The following CDKAL1 variants were observed in gnomAD, a reference collection of about 807,000 sequenced individuals.
CDKAL1 encodes CDKAL1 threonylcarbamoyladenosine tRNA methylthiotransferase, also known as threonylcarbamoyladenosine tRNA methylthiotransferase.
CDKAL1 carries 32 observed loss-of-function variants against 68.2 expected under a neutral mutation model. The ratio of observed to expected loss-of-function variants is 0.47; its 90% CI spans 0.35 to 0.63. The LOEUF is 0.63. CDKAL1 is among the 30% of genes least tolerant of loss of function. The pLI is 0.00. For synonymous variants in CDKAL1, 234 were observed against 244.3 expected (o/e 0.96, Z 0.39); for missense variants, 606 against 696.7 (o/e 0.87, Z 1.47).
intron 11 of CDKAL1, among the ~76,000 whole-genome samples, chr6:21,016,507 G>A (rs1020711330): frequency 4.6e-5 from 7 of 151,922 alleles, no homozygotes; most frequent in Non-Finnish European, 1.0e-4. Flanking sequence ...GTGGACTCTG[G>A]CAGGCAGTCT....
intron 3 of CDKAL1, 143 bp from the exon 4 acceptor site, chr6:20,548,450 T>C (rs1763688543): frequency 3.2e-6 from 2 of 618,706 alleles, no homozygotes; most frequent in Non-Finnish European, 5.8e-6. Context: ...GGAGGATCCC[T>C]TAGGCCTGGG....
intron 15 of CDKAL1, among the ~76,000 whole-genome samples, chr6:21,216,268 C>A (rs948001106): frequency 1.3e-5 from 2 of 152,104 alleles, no homozygotes; most frequent in African/African-American, 4.8e-5. Flanking sequence ...ACTTATCAGA[C>A]TGATTTTATC....
chr6:20,752,845 T>G (rs1773986263), intron 6 of CDKAL1, among the ~76,000 whole-genome samples: 2 of 152,198 alleles, frequency 1.3e-5, no homozygotes, highest in South Asian at 4.1e-4. Flanking sequence ...ATACTGTCCT[T>G]TATAGGAAAT....
intron 9 of CDKAL1, among the ~76,000 whole-genome samples, chr6:20,874,295 T>A (rs1760379498): frequency 9.4e-6 from 1 of 106,350 alleles, no homozygotes; most frequent in African/African-American, 3.8e-5. Flanking sequence ...GCAAGTTTTT[T>A]TGTTTGTTTG....
chr6:20,884,659 T>C (rs1205864278), intron 9 of CDKAL1, among the ~76,000 whole-genome samples: 3 of 152,248 alleles, frequency 2.0e-5, no homozygotes, highest in African/African-American at 7.2e-5. Flanking sequence ...AGCAAAGCTG[T>C]AGGTTATAAG....
intron 13 of CDKAL1, among the ~76,000 whole-genome samples, chr6:21,174,252 A>G (rs1204000156): frequency 6.6e-6 from 1 of 152,228 alleles, no homozygotes; most frequent in Non-Finnish European, 1.5e-5. Context: ...TCTGAAGACT[A>G]TAACAGATAA....
intron 9 of CDKAL1, among the ~76,000 whole-genome samples, chr6:20,900,764 C>T (rs1179511170): frequency 6.6e-6 from 1 of 152,146 alleles, no homozygotes; most frequent in Admixed American, 6.5e-5. Context: ...CAACATCTTA[C>T]TGTAGTATCC....
intron 5 of CDKAL1, among the ~76,000 whole-genome samples, chr6:20,718,997 T>C (rs958301111): frequency 2.0e-5 from 3 of 152,220 alleles, no homozygotes; most frequent in Non-Finnish European, 2.9e-5. Flanking sequence ...CATTTTCATG[T>C]AACTTGTGAG....
At chr6:20,900,357 C>A (rs1013181216) in intron 9 of CDKAL1, among the ~76,000 whole-genome samples, 1 of 152,222 alleles carries the variant, frequency 6.6e-6, no homozygotes, top group Admixed American at 6.5e-5. Flanking sequence ...AGTCTTCCAA[C>A]TGCTGTAGTG....
At chr6:20,787,153 C>A (rs939763393) in intron 8 of CDKAL1, among the ~76,000 whole-genome samples, 2 of 152,068 alleles carry the variant, frequency 1.3e-5, no homozygotes, top group African/African-American at 2.4e-5. Context: ...TAAAATTTAT[C>A]TTGTCTTTCT....
intron 6 of CDKAL1, among the ~76,000 whole-genome samples, chr6:20,747,582 T>C (rs1440296631): frequency 6.6e-6 from 1 of 152,220 alleles, no homozygotes; most frequent in African/African-American, 2.4e-5. Context: ...CATTATGATG[T>C]TGACCACATT....
chr6:20,691,564 T>C (rs1342268520), intron 5 of CDKAL1, among the ~76,000 whole-genome samples: 2 of 152,080 alleles, frequency 1.3e-5, no homozygotes, highest in Non-Finnish European at 2.9e-5. Flanking sequence ...CCATGCTGGC[T>C]GTTTCATCTT....
intron 13 of CDKAL1, among the ~76,000 whole-genome samples, chr6:21,192,063 G>A (rs1314501407): frequency 9.1e-5 from 10 of 110,002 alleles, no homozygotes; most frequent in African/African-American, 3.1e-4. Flanking sequence ...CGCCCAGGCC[G>A]GACTGCGGAC....
intron 11 of CDKAL1, among the ~76,000 whole-genome samples, chr6:21,064,110 G>T (rs1771288052): frequency 6.6e-6 from 1 of 152,188 alleles, no homozygotes; most frequent in East Asian, 1.9e-4. Context: ...TGCAAAATTT[G>T]TATGGATAAT....
chr6:20,872,845 C>T (rs1232272973), intron 9 of CDKAL1, among the ~76,000 whole-genome samples: 1 of 151,882 alleles, frequency 6.6e-6, no homozygotes, highest in East Asian at 1.9e-4. Flanking sequence ...TGGGTTAGAA[C>T]CAAAGGATAT....
intron 10 of CDKAL1, among the ~76,000 whole-genome samples, chr6:20,963,209 C>A (rs1001380765): frequency 6.6e-6 from 1 of 152,054 alleles, no homozygotes; most frequent in Non-Finnish European, 1.5e-5. Flanking sequence ...ATGCTACTTC[C>A]CCTTAGCAAA....
chr6:21,193,978 A>G (rs1778364800), intron 13 of CDKAL1, among the ~76,000 whole-genome samples: 1 of 152,246 alleles, frequency 6.6e-6, no homozygotes, highest in Admixed American at 6.5e-5. Context: ...GTCCAAGATC[A>G]GGCAACCCAT....
chr6:20,641,975 C>T (rs1171496060), intron 4 of CDKAL1, among the ~76,000 whole-genome samples: 1 of 152,156 alleles, frequency 6.6e-6, no homozygotes, highest in Non-Finnish European at 1.5e-5. Context: ...CTGCCATCAG[C>T]AGAGGGAGAG....
chr6:20,930,086 A>G (rs1763361872), intron 9 of CDKAL1, among the ~76,000 whole-genome samples: 1 of 152,216 alleles, frequency 6.6e-6, no homozygotes, highest in Admixed American at 6.5e-5. Context: ...GACAAAAAGT[A>G]CCAAGAAAAG....
Sources: gnomAD v4.1 joint callset for allele counts (sites outside exome capture counted in the v4.1 genomes callset) on GRCh38, gnomAD v4.1.1 for gene constraint, MANE v1.5 for transcripts, NCBI Gene and HGNC (gene_info 2026-07-23, HGNC 2026-07-21) for gene names.